The following THRB variants were observed in gnomAD, a reference collection of about 807,000 sequenced individuals.
THRB encodes nuclear receptor subfamily 1 group A member 2.
A neutral mutation model predicts 47.8 loss-of-function variants in THRB; 12 were observed. The ratio of observed to expected loss-of-function variants is 0.25; its 90% CI spans 0.16 to 0.41. THRB has a LOEUF of 0.41. Among genes scored for constraint, THRB ranks in the 10% least tolerant of loss-of-function variants. The probability of loss-of-function intolerance (pLI) is 1.00; values close to 1 mark genes in which losing one functional copy is unlikely to be tolerated. For synonymous variants in THRB, 218 were observed against 212.2 expected (o/e 1.03, Z -0.24); for missense variants, 348 against 589.2 (o/e 0.59, Z 4.24).
At chr3:24,280,530 C>T (rs1424139433) in intron 3 of THRB, among the ~76,000 whole-genome samples, 2 of 152,184 alleles carry the variant, frequency 1.3e-5, no homozygotes, top group African/African-American at 2.4e-5. Flanking sequence ...AGCAGAGCGC[C>T]TCTCCTCCTC....
At chr3:24,410,865 T>C (rs1196960533) in intron 1 of THRB, among the ~76,000 whole-genome samples, 1 of 151,894 alleles carries the variant, frequency 6.6e-6, no homozygotes. Context: ...ATGTTGGCTA[T>C]AAAGGGAGCT....
chr3:24,375,670 A>G (rs1002499048), intron 1 of THRB, among the ~76,000 whole-genome samples: 1 of 151,748 alleles, frequency 6.6e-6, no homozygotes, highest in Non-Finnish European at 1.5e-5. Flanking sequence ...ACTGATAGAA[A>G]ATAACAAGAG....
At chr3:24,143,772 T>G (rs2035750333) in intron 7 of THRB, 66 bp from the exon 8 acceptor site, 2 of 1,552,430 alleles carry the variant, frequency 1.3e-6, no homozygotes, top group Non-Finnish European at 1.8e-6. Context: ...AAGCTGCACT[T>G]CCTGGAGCCT....
chr3:24,312,787 G>A (rs963961121), intron 2 of THRB, among the ~76,000 whole-genome samples: 3 of 152,176 alleles, frequency 2.0e-5, no homozygotes, highest in Admixed American at 6.5e-5. Context: ...GTGGAAGAGC[G>A]AATATTTTAT....
chr3:24,141,694 C>T (rs897233800), intron 8 of THRB, among the ~76,000 whole-genome samples: 4 of 152,112 alleles, frequency 2.6e-5, no homozygotes, highest in Admixed American at 1.3e-4. Context: ...GACTAGTATC[C>T]CTTCTCTATG....
At chr3:24,359,686 C>T (rs2149630181) in intron 1 of THRB, among the ~76,000 whole-genome samples, 1 of 152,224 alleles carries the variant, frequency 6.6e-6, no homozygotes, top group South Asian at 2.1e-4. Context: ...GAAACATTGC[C>T]ATGATTCAAA....
intron 6 of THRB, among the ~76,000 whole-genome samples, chr3:24,147,742 T>C (rs777417390): frequency 6.6e-6 from 1 of 152,210 alleles, no homozygotes; most frequent in Non-Finnish European, 1.5e-5. Flanking sequence ...CATTGCTAAG[T>C]GCTGTAGAAA....
At chr3:24,343,764 C>A (rs1246891223) in intron 1 of THRB, among the ~76,000 whole-genome samples, 1 of 151,902 alleles carries the variant, frequency 6.6e-6, no homozygotes, top group Non-Finnish European at 1.5e-5. Flanking sequence ...AAGAAACTTA[C>A]ATGCCATCTC....
intron 1 of THRB, among the ~76,000 whole-genome samples, chr3:24,420,661 C>A (rs1235316889): frequency 2.6e-5 from 4 of 151,906 alleles, no homozygotes; most frequent in African/African-American, 9.7e-5. Context: ...CACCATCTCA[C>A]ACCTGTCAGA....
At chr3:24,295,877 T>G (rs901695065) in intron 3 of THRB, among the ~76,000 whole-genome samples, 1 of 152,230 alleles carries the variant, frequency 6.6e-6, no homozygotes, top group African/African-American at 2.4e-5. Flanking sequence ...GTCAATGCTC[T>G]ACATCTGCAC....
chr3:24,279,152 T>C (rs1352413842), intron 3 of THRB, among the ~76,000 whole-genome samples: 1 of 152,144 alleles, frequency 6.6e-6, no homozygotes. Context: ...GCTTACATTT[T>C]AATTTTCAAC....
intron 4 of THRB, among the ~76,000 whole-genome samples, chr3:24,195,372 T>C (rs1360485191): frequency 6.6e-6 from 1 of 152,210 alleles, no homozygotes; most frequent in Non-Finnish European, 1.5e-5. Flanking sequence ...TTATCGCCCT[T>C]AGTTTGATGA....
rs115574658 is a variant in THRB at position 24,388,204 on chromosome 3, C to T, written c.-260-50833G>A. ...ATTGGTTCATGCCAAGGTATAAAGG[C>T]CCAGCCCCGTCACCCAACTTGGAAC... On this transcript the variant is annotated intron_variant, in intron 1 of 10. Transcript: ENST00000646209. 7.3e-3 allele frequency among the ~76,000 whole-genome samples: 1,106 copies of T among 152,182 alleles called. 12 individuals carry two copies. The highest frequency in any genetic ancestry group is 0.025 in the African/African-American group (1,056 of 41,534).
chr3:24,356,588 C>G (rs780074314), intron 1 of THRB, among the ~76,000 whole-genome samples: 1 of 152,128 alleles, frequency 6.6e-6, no homozygotes, highest in Admixed American at 6.6e-5. Flanking sequence ...TAAGACCCCA[C>G]TAGAACTGCC....
At chr3:24,461,226 CTGTAGTT>C (rs1208065460) in intron 1 of THRB, among the ~76,000 whole-genome samples, 2 of 152,200 alleles carry the variant, frequency 1.3e-5, no homozygotes, top group Non-Finnish European at 2.9e-5. Context: ...GGGGTCAAGT[CTGTAGTT>C]TGCCATTTAC....
chr3:24,303,348 T>A (rs1311043098), intron 2 of THRB, among the ~76,000 whole-genome samples: 1 of 152,146 alleles, frequency 6.6e-6, no homozygotes, highest in Non-Finnish European at 1.5e-5. Context: ...GAAAAGTGCT[T>A]CTCACACTAG....
intron 1 of THRB, among the ~76,000 whole-genome samples, chr3:24,424,826 C>A (rs913872745): frequency 6.6e-6 from 1 of 151,806 alleles, no homozygotes; most frequent in Non-Finnish European, 1.5e-5. Context: ...ATAAAAAACT[C>A]CTACTTTGCA....
At chr3:24,386,569 C>T (rs2066123631) in intron 1 of THRB, among the ~76,000 whole-genome samples, 1 of 152,136 alleles carries the variant, frequency 6.6e-6, no homozygotes, top group Non-Finnish European at 1.5e-5. Flanking sequence ...CACCTCTCTA[C>T]CTTACGTTTT....
At chr3:24,316,751 C>T (rs533354651) in intron 2 of THRB, among the ~76,000 whole-genome samples, 5 of 152,252 alleles carry the variant, frequency 3.3e-5, no homozygotes, top group African/African-American at 1.2e-4. Flanking sequence ...CTCCCAGCCC[C>T]AAGTACCACC....
Sources: gnomAD v4.1 joint callset for allele counts (sites outside exome capture counted in the v4.1 genomes callset) on GRCh38, gnomAD v4.1.1 for gene constraint, MANE v1.5 for transcripts, NCBI Gene and HGNC (gene_info 2026-07-23, HGNC 2026-07-21) for gene names.